The following ADCY10 variants were observed in gnomAD, a reference collection of about 807,000 sequenced individuals.
ADCY10 encodes the protein adenylate cyclase type 10.
ADCY10 carries 156 observed loss-of-function variants against 183.3 expected under a neutral mutation model. The observed-to-expected ratio is 0.85, with a 90% CI of 0.75 to 0.97. The LOEUF (loss-of-function observed/expected upper bound fraction) is 0.97. Ranked by LOEUF, ADCY10 falls within the 50% of genes least tolerant of loss-of-function variation. The pLI is 0.00. For missense variants in ADCY10, 1,745 were observed against 1,934.3 expected, an observed-to-expected ratio of 0.90 and a Z score of 1.84; for synonymous variants, 645 against 670.0, an observed-to-expected ratio of 0.96 and a Z score of 0.58.
At chr1:167,830,686 G>A (rs115754357) in intron 25 of ADCY10, among the ~76,000 whole-genome samples, 4,876 of 152,162 alleles carry the variant, frequency 0.032, 152 homozygotes, top group East Asian at 0.15. Context: ...GAGCCACTGC[G>A]CCTGGCCAAA....
chr1:167,872,151 C>T (rs952674711), intron 13 of ADCY10, among the ~76,000 whole-genome samples: 2 of 152,054 alleles, frequency 1.3e-5, no homozygotes, highest in Non-Finnish European at 2.9e-5. Flanking sequence ...AGACCAGCCT[C>T]AACATGGAGA....
At chr1:167,845,924 T>C in intron 20 of ADCY10, 61 bp downstream of exon 20, 1 of 1,614,026 alleles carries the variant, frequency 6.2e-7, no homozygotes, top group Non-Finnish European at 8.5e-7. Context: ...CTAACATAGG[T>C]CAATTCTTTG....
chr1:167,891,754 G>A (rs1186988898), intron 8 of ADCY10, among the ~76,000 whole-genome samples: 1 of 151,870 alleles, frequency 6.6e-6, no homozygotes, highest in Non-Finnish European at 1.5e-5. Context: ...CAAATCAATG[G>A]GGGAAAATCA....
chr1:167,896,667 TG>T lies in ADCY10; in HGVS notation c.666del (p.Asn223IlefsTer27). On this transcript the variant is annotated frameshift_variant, in exon 7 of 33. Transcript: ENST00000367851. LOFTEE classifies it high-confidence loss of function. ...AVKVNFLKPPPNFNFDEFFTK... is the reference protein window; with the variant it reads ...AVKVNFLKPPXNFNFDEFFTK... ...GTGAAAAATTCATCAAAATTAAAAT[TG>T]GGGGGTGGTTTTAAGAAGTTAACCT... The T allele has an allele frequency of 1.2e-6, 2 of 1,612,762 alleles. No individual in the cohort carries two copies. The highest frequency in any genetic ancestry group is 1.7e-6 in the Non-Finnish European group (2 of 1,178,878).
chr1:167,864,019 T>C (rs1443125839), intron 14 of ADCY10, among the ~76,000 whole-genome samples: 1 of 152,166 alleles, frequency 6.6e-6, no homozygotes, highest in African/African-American at 2.4e-5. Context: ...CATGGCCTGA[T>C]CTGATCACCC....
intron 6 of ADCY10, among the ~76,000 whole-genome samples, chr1:167,898,229 ACT>A (rs1321603622): frequency 2.6e-5 from 4 of 151,474 alleles, no homozygotes; most frequent in East Asian, 1.9e-4. Flanking sequence ...ATATATGGAA[ACT>A]CTGTATTATT....
chr1:167,888,892 A>AAG (rs1668419691), intron 8 of ADCY10, among the ~76,000 whole-genome samples: 1 of 148,404 alleles, frequency 6.7e-6, no homozygotes. Flanking sequence ...AAAAAAAAAG[A>AAG]AAAAGAAAGA....
chr1:167,913,655 A>G (rs1670290805), intron 1 of ADCY10, among the ~76,000 whole-genome samples: 1 of 150,898 alleles, frequency 6.6e-6, no homozygotes, highest in Non-Finnish European at 1.5e-5. Context: ...ACCTTGCCAG[A>G]GCCCCCTTCA....
chr1:167,847,903 G>T (rs1320431558), intron 19 of ADCY10, among the ~76,000 whole-genome samples: 2 of 152,180 alleles, frequency 1.3e-5, no homozygotes, highest in Non-Finnish European at 2.9e-5. Context: ...TGGCTCTTAG[G>T]AGCAAAGCCA....
At chr1:167,894,934 C>T (rs1278799906) in intron 7 of ADCY10, among the ~76,000 whole-genome samples, 2 of 152,116 alleles carry the variant, frequency 1.3e-5, no homozygotes, top group African/African-American at 4.8e-5. Context: ...CCTGTAATCC[C>T]AGCACTTTGG....
chr1:167,904,181 G>A (rs549277740), intron 2 of ADCY10, among the ~76,000 whole-genome samples, 190 bp from the exon 3 acceptor site: 3 of 149,294 alleles, frequency 2.0e-5, no homozygotes, highest in Non-Finnish European at 3.0e-5. Context: ...TCCGCCTCCC[G>A]GGTTCAAGCA....
At chr1:167,858,325 C>A (rs1382939975) in intron 16 of ADCY10, among the ~76,000 whole-genome samples, 1 of 151,612 alleles carries the variant, frequency 6.6e-6, no homozygotes, top group East Asian at 1.9e-4. Context: ...TACTGAAACC[C>A]CATTTCTACT....
intron 1 of ADCY10, among the ~76,000 whole-genome samples, chr1:167,908,641 A>G (rs764827557): frequency 6.6e-6 from 1 of 152,226 alleles, no homozygotes; most frequent in Non-Finnish European, 1.5e-5. Flanking sequence ...ATATTAAAAC[A>G]TCACATTGTA....
intron 18 of ADCY10, among the ~76,000 whole-genome samples, chr1:167,853,395 C>T (rs1379001152): frequency 1.3e-5 from 2 of 152,050 alleles, no homozygotes; most frequent in Admixed American, 6.6e-5. Context: ...AGCTAGGGAC[C>T]TTAGGACCCA....
intron 21 of ADCY10, among the ~76,000 whole-genome samples, chr1:167,839,043 C>T (rs1664433494): frequency 1.3e-5 from 2 of 152,216 alleles, no homozygotes; most frequent in Admixed American, 1.3e-4. Flanking sequence ...CACCTCAGTC[C>T]ATTACCAAAA....
At chr1:167,837,440 A>ATTGCCTAGT (rs1473238262) in intron 21 of ADCY10, 122 bp from the exon 22 acceptor site, 19 of 805,152 alleles carry the variant, frequency 2.4e-5, no homozygotes, top group Non-Finnish European at 3.8e-5. Context: ...CAGAAACCAC[A>ATTGCCTAGT]TTGCCTAGTC....
chr1:167,863,750 C>T (rs1666466686), intron 14 of ADCY10, among the ~76,000 whole-genome samples: 1 of 152,244 alleles, frequency 6.6e-6, no homozygotes, highest in South Asian at 2.1e-4. Flanking sequence ...CTCGCCAGAG[C>T]AGTGTGTGGC....
At chr1:167,815,865 A>T (rs1231530539) in intron 31 of ADCY10, among the ~76,000 whole-genome samples, 1 of 152,180 alleles carries the variant, frequency 6.6e-6, no homozygotes, top group African/African-American at 2.4e-5. Flanking sequence ...ACACTGTGAG[A>T]GAAATGAAGA....
chr1:167,857,558 A>T (rs1404488046), intron 16 of ADCY10, among the ~76,000 whole-genome samples: 1 of 152,242 alleles, frequency 6.6e-6, no homozygotes, highest in African/African-American at 2.4e-5. Context: ...TCATGAATTC[A>T]ATAATAAAAC....
Sources: gnomAD v4.1 joint callset for allele counts (sites outside exome capture counted in the v4.1 genomes callset) on GRCh38, gnomAD v4.1.1 for gene constraint, MANE v1.5 for transcripts, NCBI Gene and HGNC (gene_info 2026-07-23, HGNC 2026-07-21) for gene names.